Variants in AGAP1 observed in about 807,000 individuals in gnomAD.
The protein encoded by AGAP1 is arf-GAP with GTPase, ANK repeat and PH domain-containing protein 1.
AGAP1 carries 29 observed loss-of-function variants against 105.3 expected under a neutral mutation model. The ratio of observed to expected loss-of-function variants is 0.28; its 90% confidence interval spans 0.21 to 0.38. AGAP1 has a LOEUF of 0.38. Among genes scored for constraint, AGAP1 ranks in the 10% least tolerant of loss-of-function variants. The pLI is 1.00. For synonymous variants in AGAP1, 509 were observed against 485.9 expected (o/e 1.05, Z -0.63); for missense variants, 998 against 1,165.1 (o/e 0.86, Z 2.09).
intron 9 of AGAP1, chr2:235,853,026 CA>C: frequency 8.0e-7 from 1 of 1,245,192 alleles, no homozygotes; most frequent in African/African-American, 1.5e-5. Flanking sequence ...CGGCAACTCA[CA>C]AAAGACCCCT....
chr2:236,043,745 G>GGGGGC (rs5839620), intron 15 of AGAP1, among the ~76,000 whole-genome samples: 2,032 of 148,818 alleles, frequency 0.014, 64 homozygotes, highest in African/African-American at 0.049. Context: ...AAGTGGGGGG[G>GGGGGC]GTGCTTAATT....
In AGAP1 at chr2:235,979,026, G is replaced by A. The variant is rs566040790; in HGVS notation, c.1645+10403G>A. 4.6e-5 allele frequency among the ~76,000 whole-genome samples: 7 copies of A among 152,058 alleles called. No homozygotes were observed. Among genetic ancestry groups the A allele is most frequent in the Non-Finnish European group, 8.8e-5 (6 of 68,018 alleles). On this transcript the variant is annotated intron_variant, in intron 13 of 17. Coordinates refer to ENST00000304032, the MANE Select transcript of AGAP1 (RefSeq NM_001037131.3). This position sits in a 1 kb window ranked among gnomAD's most constrained non-coding sequence, Gnocchi z 4.5. ...CTCTTGAAATTTTTTTGGACTTACG[G>A]ACATTTAATTCAGATGCAGTGAACC...
chr2:235,632,264 C>T (rs534606789), intron 1 of AGAP1, among the ~76,000 whole-genome samples: 33 of 152,318 alleles, frequency 2.2e-4, no homozygotes, highest in African/African-American at 7.2e-4. Flanking sequence ...GAGCAGTGTT[C>T]GCATGAACTG....
At chr2:235,826,246 GT>G (rs1270000036) in intron 9 of AGAP1, among the ~76,000 whole-genome samples, 2 of 152,190 alleles carry the variant, frequency 1.3e-5, no homozygotes, top group African/African-American at 4.8e-5. Context: ...GGGTGACCTA[GT>G]TTTCCTCATG....
At chr2:235,858,763 G>A (rs1408740750) in intron 9 of AGAP1, among the ~76,000 whole-genome samples, 1 of 152,180 alleles carries the variant, frequency 6.6e-6, no homozygotes, top group Non-Finnish European at 1.5e-5. Flanking sequence ...AAATTGATGA[G>A]CAGGGAGAGG....
intron 6 of AGAP1, among the ~76,000 whole-genome samples, chr2:235,762,590 A>G (rs1416880651): frequency 6.6e-6 from 1 of 152,136 alleles, no homozygotes; most frequent in Non-Finnish European, 1.5e-5. Flanking sequence ...AAAATAGGCC[A>G]GATGTGGTGG....
At chr2:235,818,306 G>A (rs1317422428) in intron 9 of AGAP1, among the ~76,000 whole-genome samples, 4 of 152,200 alleles carry the variant, frequency 2.6e-5, no homozygotes, top group South Asian at 2.1e-4. Context: ...GTATGAGACC[G>A]ATGTTATATA....
chr2:235,655,583 A>G lies in AGAP1; in HGVS notation c.164-53596A>G, dbSNP rs1156609520. ...TATCTAACCTGTGTTGAGTACCTGT[A>G]TCTGATGAGTTAGTAGCTGTGAAAA... is the stretch of plus-strand genomic sequence containing the variant. On this transcript the variant is annotated intron_variant, in intron 1 of 17. Transcript: ENST00000304032. The surrounding 1 kb of genome is among the most constrained non-coding windows in gnomAD (Gnocchi z 4.3). Among the ~76,000 whole-genome samples the G allele has an allele frequency of 6.6e-6, 1 of 152,130 alleles. No individual in the cohort carries two copies. The highest frequency in any genetic ancestry group is 1.5e-5 in the Non-Finnish European group (1 of 68,028).
intron 16 of AGAP1, among the ~76,000 whole-genome samples, chr2:236,102,766 C>A (rs1252432736): frequency 6.6e-6 from 1 of 152,076 alleles, no homozygotes; most frequent in Admixed American, 6.6e-5. Context: ...TTCCTGTAAA[C>A]GTCCCGTGTT....
intron 1 of AGAP1, among the ~76,000 whole-genome samples, chr2:235,707,662 C>A (rs1417509548): frequency 1.4e-5 from 1 of 73,900 alleles, no homozygotes; most frequent in Non-Finnish European, 3.6e-5. Flanking sequence ...GGTTGTGCTC[C>A]CCCGGCGTGT....
At chr2:235,539,099 C>T (rs972422704) in intron 1 of AGAP1, among the ~76,000 whole-genome samples, 1 of 152,204 alleles carries the variant, frequency 6.6e-6, no homozygotes, top group African/African-American at 2.4e-5. Context: ...CCTGCCTTTT[C>T]CTGATTTGAA....
rs1016162277 is a variant in AGAP1, at chr2:235,888,494, C to T, written c.1155+5045C>T. Among the ~76,000 whole-genome samples, 6 of 151,972 alleles carry T rather than the reference C, an allele frequency of 3.9e-5. No homozygotes were observed. Among genetic ancestry groups the T allele is most frequent in the East Asian group, 1.9e-4 (1 of 5,152 alleles). The stretch of plus-strand genomic sequence containing the variant: ...CTAGACAAGACAGGCAAGCAAGGGC[C>T]GAGTTGATAGACCTGCCTGGGCAAC... On this transcript the variant is annotated intron_variant, in intron 10 of 17. Coordinates refer to ENST00000304032, the MANE Select transcript of AGAP1 (RefSeq NM_001037131.3). The surrounding 1 kb of genome is among the most constrained non-coding windows in gnomAD (Gnocchi z 4.8).
chr2:235,583,307 A>C (rs568897970), intron 1 of AGAP1, among the ~76,000 whole-genome samples: 1 of 151,866 alleles, frequency 6.6e-6, no homozygotes, highest in African/African-American at 2.4e-5. Context: ...TGATCCTCTT[A>C]CTCAGCCTCT....
chr2:236,040,980 T>A lies in AGAP1; in HGVS notation c.1891+139T>A. ...AACTGCTTTTAGGAAATTGAGATATTTTGTTTGGATTTTACCTTAACAGAG... is the reference window on the plus strand; with the variant it reads ...AACTGCTTTTAGGAAATTGAGATATATTGTTTGGATTTTACCTTAACAGAG... On this transcript the variant is annotated intron_variant, in intron 15 of 17. Coordinates refer to ENST00000304032, the MANE Select transcript of AGAP1 (RefSeq NM_001037131.3). This position sits in a 1 kb window ranked among gnomAD's most constrained non-coding sequence, Gnocchi z 5.6. 11 of 791,574 alleles carry A rather than the reference T, an allele frequency of 1.4e-5. No individual in the cohort carries two copies. Among genetic ancestry groups the A allele is most frequent in the Non-Finnish European group, 2.0e-5 (10 of 494,570 alleles). 49.0% of individuals were successfully genotyped at this position (791,574 alleles called of 1,614,324 possible). A position where few individuals can be genotyped will look rare whatever the true frequency, so the allele number is the denominator to read the frequency against.
In AGAP1 at chr2:235,733,383, C is replaced by T. The variant is rs371060101; in HGVS notation, c.311-7580C>T. On this transcript the variant is annotated intron_variant, in intron 3 of 17. Transcript: ENST00000304032. This position sits in a 1 kb window ranked among gnomAD's most constrained non-coding sequence, Gnocchi z 5.0. ...GTGAAGTGATGGGGTGTTGTTGGCT[C>T]AGGTTGTAGGAGAGATGAGGAGCCT... Among the ~76,000 whole-genome samples, 2 of 152,144 alleles carry T rather than the reference C, an allele frequency of 1.3e-5. No individual in the cohort carries two copies. The highest frequency in any genetic ancestry group is 3.9e-4 in the East Asian group (2 of 5,186).
chr2:235,524,511 G>A (rs1269270987), intron 1 of AGAP1: 5 of 349,384 alleles, frequency 1.4e-5, no homozygotes, highest in Non-Finnish European at 3.0e-5. Context: ...TGAGAAGACA[G>A]GCCACGGGGC....
At chr2:235,756,518 G>A (rs1228502586) in intron 6 of AGAP1, among the ~76,000 whole-genome samples, 1 of 152,072 alleles carries the variant, frequency 6.6e-6, no homozygotes, top group Non-Finnish European at 1.5e-5. Context: ...CAAGCAGCTC[G>A]ATGCCCTTTC....
At position 235,813,888 on chromosome 2, in the gene AGAP1, C is replaced by G. The variant is rs146904860; in HGVS notation, c.1050+6557C>G. ...AGCAGATGGATGGTAGCCAGAAGGG[C>G]GATGGAGTGGGAAGGTGGTCTTACC... On this transcript the variant is annotated intron_variant, in intron 9 of 17. Coordinates refer to ENST00000304032, the MANE Select transcript of AGAP1 (RefSeq NM_001037131.3). Among the ~76,000 whole-genome samples the G allele has an allele frequency of 2.9e-3, 435 of 152,244 alleles. 2 individuals are homozygous for G. Among genetic ancestry groups the G allele is most frequent in the East Asian group, 0.02 (103 of 5,170 alleles).
chr2:235,610,692 A>G lies in AGAP1; in HGVS notation c.164-98487A>G, dbSNP rs10183804. On this transcript the variant is annotated intron_variant, in intron 1 of 17. Transcript: ENST00000304032. This position sits in a 1 kb window ranked among gnomAD's most constrained non-coding sequence, Gnocchi z 4.9. ...GCACAGCGCTTCCGCACACATCCACATTGCAGACCCGCCATCCTCAAACGC... is the reference window on the plus strand; with the variant it reads ...GCACAGCGCTTCCGCACACATCCACGTTGCAGACCCGCCATCCTCAAACGC... Among the ~76,000 whole-genome samples, 52,139 of 151,848 alleles carry G rather than the reference A, an allele frequency of 0.34. 11,425 individuals carry two copies. The highest frequency in any genetic ancestry group is 0.62 in the African/African-American group (25,570 of 41,366).
Sources: allele counts gnomAD v4.1 joint callset (sites outside exome capture counted in the v4.1 genomes callset), GRCh38; gene constraint gnomAD v4.1.1; non-coding constraint Gnocchi (gnomAD v3.1); transcripts MANE v1.5; gene names NCBI Gene and HGNC (gene_info 2026-07-23, HGNC 2026-07-21).